Variants in FBXL2 observed in about 807,000 individuals in gnomAD.
FBXL2 encodes F-box/LRR-repeat protein 2.
Under a neutral mutation model 69.2 loss-of-function variants are expected in FBXL2, and 38 were observed. The observed-to-expected ratio is 0.55, with a 90% CI of 0.42 to 0.72. The LOEUF (loss-of-function observed/expected upper bound fraction) is 0.72, where lower values mean the gene tolerates loss of function less well. Ranked by LOEUF, FBXL2 falls within the 30% of genes least tolerant of loss-of-function variation. The probability of loss-of-function intolerance (pLI) is 0.00; values close to 1 mark genes in which losing one functional copy is unlikely to be tolerated. For missense variants in FBXL2, 354 were observed against 520.3 expected, an observed-to-expected ratio of 0.68 and a Z score of 3.11; for synonymous variants, 192 against 201.3, an observed-to-expected ratio of 0.95 and a Z score of 0.39.
the FBXL2 span, chr3:33,416,812 C>G: frequency 1.2e-6 from 2 of 1,613,630 alleles, no homozygotes; most frequent in Non-Finnish European, 8.5e-7. Context: ...GATTATCCAG[C>G]ATCCGAATTT....
chr3:33,400,119 A>T (rs1425069994), intron 12 of FBXL2: 3 of 1,050,546 alleles, frequency 2.9e-6, no homozygotes, highest in Non-Finnish European at 3.9e-6. Flanking sequence ...TTAAAAATAT[A>T]AAGTTAATAA....
chr3:33,412,389 G>A, the FBXL2 span, among the ~76,000 whole-genome samples: 19 of 151,630 alleles, frequency 1.3e-4, no homozygotes, highest in African/African-American at 4.6e-4. Flanking sequence ...ATATGTATGT[G>A]TGTGCGTATG....
chr3:33,285,112 G>A (rs1047549782), intron 1 of FBXL2, among the ~76,000 whole-genome samples: 5 of 152,142 alleles, frequency 3.3e-5, no homozygotes, highest in East Asian at 1.9e-4. Flanking sequence ...TTGCTCGTTC[G>A]TTGATGCAGT....
intron 2 of FBXL2, among the ~76,000 whole-genome samples, chr3:33,311,273 T>C (rs2037168246): frequency 6.6e-6 from 1 of 152,150 alleles, no homozygotes; most frequent in South Asian, 2.1e-4. Context: ...CGATTGGAGA[T>C]TTTTGAGCTG....
chr3:33,417,102 C>T, the FBXL2 span, among the ~76,000 whole-genome samples: 2 of 152,178 alleles, frequency 1.3e-5, no homozygotes, highest in Non-Finnish European at 2.9e-5. Flanking sequence ...GCTTGCATTA[C>T]CTAAGACTAA....
chr3:33,412,978 G>A, the FBXL2 span: 1 of 487,342 alleles, frequency 2.1e-6, no homozygotes, highest in East Asian at 3.1e-5. Flanking sequence ...TTTTGCCCTT[G>A]GATACCTGGA....
intron 2 of FBXL2, among the ~76,000 whole-genome samples, chr3:33,326,612 T>C (rs893531450): frequency 6.6e-6 from 1 of 152,212 alleles, no homozygotes; most frequent in African/African-American, 2.4e-5. Flanking sequence ...AATTTAACTT[T>C]TGCTTAAAGA....
At chr3:33,410,081 C>A in the FBXL2 span, among the ~76,000 whole-genome samples, 1 of 152,214 alleles carries the variant, frequency 6.6e-6, no homozygotes, top group Non-Finnish European at 1.5e-5. Context: ...ATTTGTGATA[C>A]TTTGCCTGGG....
chr3:33,310,286 G>A (rs2037075533), intron 2 of FBXL2, among the ~76,000 whole-genome samples: 1 of 151,944 alleles, frequency 6.6e-6, no homozygotes, highest in Non-Finnish European at 1.5e-5. Context: ...CGAGTAGCTG[G>A]GACTACAGGC....
intron 2 of FBXL2, among the ~76,000 whole-genome samples, chr3:33,299,319 G>A (rs997885756): frequency 2.0e-5 from 3 of 152,180 alleles, no homozygotes; most frequent in Admixed American, 2.0e-4. Context: ...TGGGATTACA[G>A]GCGTGAGCCA....
At chr3:33,420,767 G>GT in the FBXL2 span, among the ~76,000 whole-genome samples, 2 of 152,048 alleles carry the variant, frequency 1.3e-5, no homozygotes, top group South Asian at 4.1e-4. Context: ...GTTTACAGGC[G>GT]TGAGCCACCA....
intron 2 of FBXL2, among the ~76,000 whole-genome samples, chr3:33,301,917 A>G (rs2036329485): frequency 6.6e-6 from 1 of 152,062 alleles, no homozygotes; most frequent in African/African-American, 2.4e-5. Context: ...TAGTTGTGTG[A>G]CCTTAGTTAC....
intron 12 of FBXL2, among the ~76,000 whole-genome samples, chr3:33,399,635 G>T (rs114762985): frequency 1.2e-4 from 19 of 152,296 alleles, no homozygotes; most frequent in African/African-American, 4.6e-4. Context: ...GGTTGCCAAG[G>T]ACTAGGGATG....
At chr3:33,311,633 T>C (rs2037205794) in intron 2 of FBXL2, among the ~76,000 whole-genome samples, 1 of 151,036 alleles carries the variant, frequency 6.6e-6, no homozygotes, top group Admixed American at 6.6e-5. Context: ...GTTTGGCTCT[T>C]TTTTTTTTGA....
At chr3:33,383,603 G>T in intron 13 of FBXL2, 1 of 234,546 alleles carries the variant, frequency 4.3e-6, no homozygotes, top group Non-Finnish European at 8.5e-6. Context: ...ATGGAGAACT[G>T]GCCAATAAAA....
At chr3:33,396,980 C>T (rs1174437149) in intron 12 of FBXL2, 2 of 1,461,260 alleles carry the variant, frequency 1.4e-6, no homozygotes, top group African/African-American at 1.4e-5. Flanking sequence ...ACACATTCTG[C>T]CCAAATTCCC....
At chr3:33,402,950 T>C (rs201214630) in intron 12 of FBXL2, 7 of 1,483,010 alleles carry the variant, frequency 4.7e-6, no homozygotes, top group Admixed American at 3.9e-5. Flanking sequence ...TTTTAAAATA[T>C]GTGGAAGAAA....
intron 4 of FBXL2, among the ~76,000 whole-genome samples, chr3:33,359,593 C>T (rs969533019): frequency 4.6e-5 from 7 of 151,716 alleles, no homozygotes; most frequent in African/African-American, 1.7e-4. Flanking sequence ...AATTTTACTA[C>T]TCAGCTTTTT....
chr3:33,322,511 G>A (rs1309253082), intron 2 of FBXL2, among the ~76,000 whole-genome samples: 1 of 152,068 alleles, frequency 6.6e-6, no homozygotes, highest in Non-Finnish European at 1.5e-5. Flanking sequence ...CAGTTGCTTG[G>A]ATAAATCTTA....
Sources: gnomAD v4.1 joint callset for allele counts (sites outside exome capture counted in the v4.1 genomes callset) on GRCh38, gnomAD v4.1.1 for gene constraint, MANE v1.5 for transcripts, NCBI Gene and HGNC (gene_info 2026-07-23, HGNC 2026-07-21) for gene names.